CALD1: variants seen among roughly 807,000 people sequenced by gnomAD.
CALD1 encodes caldesmon 1, also known as caldesmon.
A neutral mutation model predicts 99.9 loss-of-function variants in CALD1; 33 were observed. That is an observed-to-expected ratio of 0.33 (90% confidence interval 0.25 to 0.44). CALD1 has a LOEUF of 0.44. Ranked by LOEUF, CALD1 falls within the 20% of genes least tolerant of loss-of-function variation. CALD1 has a pLI of 1.00. For synonymous variants in CALD1, 310 were observed against 325.0 expected (o/e 0.95, Z 0.50); for missense variants, 861 against 962.1 (o/e 0.89, Z 1.39).
the CALD1 span, among the ~76,000 whole-genome samples, chr7:134,732,880 A>G: frequency 6.6e-6 from 1 of 152,254 alleles, no homozygotes; most frequent in Admixed American, 6.5e-5. Flanking sequence ...GAAATTCTCA[A>G]GCGGGATGGG....
At chr7:134,940,316 C>T (rs181981244) in intron 6 of CALD1, among the ~76,000 whole-genome samples, 5 of 152,250 alleles carry the variant, frequency 3.3e-5, no homozygotes, top group East Asian at 1.9e-4. Context: ...AAACACAAAA[C>T]GCACAAAATA....
At chr7:134,721,715 C>G in the CALD1 span, among the ~76,000 whole-genome samples, 1 of 152,106 alleles carries the variant, frequency 6.6e-6, no homozygotes, top group East Asian at 1.9e-4. Context: ...GCGGTAGTGT[C>G]TCCATCTCCA....
In CALD1 at chr7:134,959,983, A is replaced by G; in HGVS notation, c.2071A>G (p.Ser691Gly). 1 of 1,612,968 alleles carries G rather than the reference A, an allele frequency of 6.2e-7. No homozygotes were observed. Among genetic ancestry groups the G allele is most frequent in the East Asian group, 2.2e-5 (1 of 44,858 alleles). ...QYTSAIEGTKSAKPTKPAASD... is the reference protein window; with the variant it reads ...QYTSAIEGTKGAKPTKPAASD... Reference sequence around the variant, plus strand: ...AACTCACAAATTTCAGGGAACAAAAAGCGCAAAACCTACAAAGCCGGCAGC... The same window carrying G: ...AACTCACAAATTTCAGGGAACAAAAGGCGCAAAACCTACAAAGCCGGCAGC... Residue 691 changes from serine (S) to glycine (G), a missense_variant, in exon 12 of 15, where the codon AGC becomes GGC. Coordinates refer to ENST00000361675, the MANE Select transcript of CALD1 (RefSeq NM_033138.4).
intron 10 of CALD1, 23 bp from the exon 11 acceptor site, chr7:134,958,186 T>C: frequency 6.2e-7 from 1 of 1,612,054 alleles, no homozygotes; most frequent in Non-Finnish European, 8.5e-7. Context: ...CATATTTTTA[T>C]ATGTATGTGT....
rs1563142397 is a variant in CALD1, at chr7:134,968,406, T to C, written c.*61T>C. The C allele has an allele frequency of 2.7e-6, 4 of 1,481,192 alleles. No homozygotes were observed. Among genetic ancestry groups the C allele is most frequent in the Non-Finnish European group, 2.8e-6 (3 of 1,058,976 alleles). The allele number at this position is 1,481,192 out of a possible 1,614,324, so 91.8% of individuals were successfully genotyped here. A position where few individuals can be genotyped will look rare whatever the true frequency, so the allele number is the denominator to read the frequency against. ...GACGAGCTCAGTTGTAGAGGGCTAA[T>C]TCGCTCTGTTTTGTATTTATGTTGA... On this transcript the variant is annotated 3_prime_UTR_variant, in exon 15 of 15. Coordinates refer to ENST00000361675, the MANE Select transcript of CALD1 (RefSeq NM_033138.4).
chr7:134,772,407 T>C lies in CALD1; in HGVS notation c.-130+28044T>C, dbSNP rs1042735800. Among the ~76,000 whole-genome samples, 4 of 152,184 alleles carry C rather than the reference T, an allele frequency of 2.6e-5. No individual in the cohort carries two copies. The South Asian group carries it at 8.3e-4, about 31-fold the overall frequency. On this transcript the variant is annotated intron_variant, in intron 1 of 13. Coordinates refer to the CALD1 transcript ENST00000417172. ...ACCGTGCCCAGCCTTACTGTTCTTT[T>C]AGGCATTTATTTCCACGAGCCTAAA...
chr7:134,907,877 G>T (rs1404487460), intron 3 of CALD1, among the ~76,000 whole-genome samples: 1 of 152,154 alleles, frequency 6.6e-6, no homozygotes, highest in Non-Finnish European at 1.5e-5. Context: ...AGCGCCTATT[G>T]GTGAGGGAAG....
intron 3 of CALD1, among the ~76,000 whole-genome samples, chr7:134,883,985 CCAGCTACCTGGGAGG>C (rs1801730292): frequency 6.6e-6 from 1 of 152,156 alleles, no homozygotes; most frequent in Non-Finnish European, 1.5e-5. Context: ...GCCTGTAATC[CCAGCTACCTGGGAGG>C]CTGAGGCAGG....
At chr7:134,814,221 T>C (rs1248298082) in intron 1 of CALD1, among the ~76,000 whole-genome samples, 2 of 152,100 alleles carry the variant, frequency 1.3e-5, no homozygotes, top group Non-Finnish European at 2.9e-5. Context: ...GGAAGAGCTA[T>C]AAATCACGAG....
the CALD1 span, among the ~76,000 whole-genome samples, chr7:134,720,807 T>C: frequency 5.1e-3 from 776 of 152,328 alleles, 9 homozygotes; most frequent in African/African-American, 0.018. Context: ...GAAGAAGTGT[T>C]GTCTGCTTTC....
chr7:134,733,580 G>A, the CALD1 span, among the ~76,000 whole-genome samples: 3 of 151,972 alleles, frequency 2.0e-5, no homozygotes, highest in Non-Finnish European at 4.4e-5. Context: ...AGGCTGAGGC[G>A]GGCGGATCAT....
chr7:134,955,346 C>T (rs1292837175), intron 9 of CALD1, among the ~76,000 whole-genome samples: 1 of 152,184 alleles, frequency 6.6e-6, no homozygotes, highest in African/African-American at 2.4e-5. Flanking sequence ...CGAGATTCCA[C>T]CACTGCACTC....
At chr7:134,751,942 C>T (rs1796689232) in intron 1 of CALD1, among the ~76,000 whole-genome samples, 1 of 152,146 alleles carries the variant, frequency 6.6e-6, no homozygotes, top group Non-Finnish European at 1.5e-5. Context: ...TGCCACTGCA[C>T]TCCAGCCTGG....
chr7:134,935,506 T>C (rs1356051241), intron 5 of CALD1, among the ~76,000 whole-genome samples, 182 bp from the exon 6 acceptor site: 2 of 152,092 alleles, frequency 1.3e-5, no homozygotes, highest in African/African-American at 4.8e-5. Flanking sequence ...CGAGAAGATG[T>C]TGGGGTGGGA....
intron 1 of CALD1, among the ~76,000 whole-genome samples, chr7:134,836,417 C>G (rs1799442901): frequency 6.6e-6 from 1 of 152,138 alleles, no homozygotes; most frequent in African/African-American, 2.4e-5. Context: ...TAACATCATG[C>G]CTTACAAACA....
At chr7:134,945,855 T>C (rs1182032937) in intron 7 of CALD1, among the ~76,000 whole-genome samples, 4 of 152,214 alleles carry the variant, frequency 2.6e-5, no homozygotes, top group African/African-American at 9.6e-5. Context: ...TAAATCACTG[T>C]GTTTAGCTCT....
chr7:134,967,435 T>A (rs1365357260), intron 14 of CALD1, among the ~76,000 whole-genome samples: 1 of 152,098 alleles, frequency 6.6e-6, no homozygotes, highest in Admixed American at 6.5e-5. Context: ...TCACAACACT[T>A]TAAGATTTCT....
chr7:134,865,553 T>C (rs1800768468), intron 2 of CALD1, among the ~76,000 whole-genome samples: 1 of 152,136 alleles, frequency 6.6e-6, no homozygotes, highest in Non-Finnish European at 1.5e-5. Flanking sequence ...AGTTTTTCTA[T>C]GGCTGGGAAA....
chr7:134,739,822 C>T (rs898828879), upstream of CALD1, among the ~76,000 whole-genome samples: 1 of 151,042 alleles, frequency 6.6e-6, no homozygotes, highest in Non-Finnish European at 1.5e-5. Context: ...TTGAGGCAGG[C>T]AAATATTCTA....
Sources: allele counts gnomAD v4.1 joint callset (sites outside exome capture counted in the v4.1 genomes callset), GRCh38; gene constraint gnomAD v4.1.1; transcripts MANE v1.5; gene names NCBI Gene and HGNC (gene_info 2026-07-23, HGNC 2026-07-21).